The following NRG1 variants were observed in gnomAD, a reference collection of about 807,000 sequenced individuals.
NRG1 encodes pro-neuregulin-1, membrane-bound isoform.
A neutral mutation model predicts 63.8 loss-of-function variants in NRG1; 18 were observed. The ratio of observed to expected loss-of-function variants is 0.28; its 90% CI spans 0.19 to 0.42. The LOEUF (loss-of-function observed/expected upper bound fraction) is 0.42. Ranked by LOEUF, NRG1 falls within the 10% of genes least tolerant of loss-of-function variation. The pLI is 1.00. For missense variants in NRG1, 762 were observed against 814.7 expected (o/e 0.94, Z 0.79); for synonymous variants, 302 against 301.3 (o/e 1.00, Z -0.02).
chr8:32,398,999 A>G (rs1244533668), intron 1 of NRG1, among the ~76,000 whole-genome samples: 1 of 152,166 alleles, frequency 6.6e-6, no homozygotes, highest in Non-Finnish European at 1.5e-5. Context: ...AAATAACCTC[A>G]TTTATTTTGT....
rs544322920 is a variant in NRG1, at chr8:31,733,189, C to T, written c.37+93758C>T. On this transcript the variant is annotated intron_variant, in intron 1 of 10. Transcript: ENST00000519301. ...GGCTGAATAGCATTCCATTGTGTAC[C>T]TATTACATTTTTTTTTCCCAGTCAT... 2.7e-5 allele frequency among the ~76,000 whole-genome samples: 4 copies of T among 147,008 alleles called. No individual in the cohort carries two copies. The South Asian group carries it at 6.3e-4, about 23-fold the overall frequency.
chr8:32,173,502 A>C (rs978718820), intron 1 of NRG1, among the ~76,000 whole-genome samples: 1 of 152,102 alleles, frequency 6.6e-6, no homozygotes, highest in African/African-American at 2.4e-5. Context: ...ATTAACCTTA[A>C]ATGTAAATGG....
intron 1 of NRG1, among the ~76,000 whole-genome samples, chr8:32,205,537 G>A (rs1843959158): frequency 6.6e-6 from 1 of 152,146 alleles, no homozygotes; most frequent in African/African-American, 2.4e-5. Context: ...TTGGCCAAAA[G>A]TAAGCACGAC....
At position 31,640,583 on chromosome 8, in the gene NRG1, A is replaced by G. The variant is rs374687968; in HGVS notation, c.37+1152A>G. 3.0e-5 allele frequency: 48 copies of G among 1,611,910 alleles called. No homozygotes were observed. The highest frequency in any genetic ancestry group is 2.2e-5 in the East Asian group (1 of 44,808). The stretch of plus-strand genomic sequence containing the variant: ...GCCTTCCCCTCCTGCGGGAGGCTCA[A>G]GGAGGACAGCAGGTACATCTTCTTC... On this transcript the variant is annotated intron_variant, in intron 1 of 10. Transcript: ENST00000519301. The surrounding 1 kb of genome is among the most constrained non-coding windows in gnomAD (Gnocchi z 6.3).
At chr8:32,670,593 A>G (rs538688688) in intron 5 of NRG1, among the ~76,000 whole-genome samples, 4 of 152,320 alleles carry the variant, frequency 2.6e-5, no homozygotes, top group African/African-American at 9.6e-5. Context: ...AGAAGACGTC[A>G]ATGTTATATA....
chr8:32,270,629 C>T (rs555114684), intron 1 of NRG1, among the ~76,000 whole-genome samples: 8 of 152,270 alleles, frequency 5.3e-5, no homozygotes, highest in Admixed American at 5.2e-4. Context: ...CCTTTAAATA[C>T]CCCTTACTGT....
chr8:32,513,770 C>T (rs1327669096), intron 1 of NRG1, among the ~76,000 whole-genome samples: 2 of 152,042 alleles, frequency 1.3e-5, no homozygotes, highest in Non-Finnish European at 2.9e-5. Context: ...AATAATCTGG[C>T]TGATCTTTGA....
At chr8:32,632,831 T>C (rs1030524679) in intron 5 of NRG1, among the ~76,000 whole-genome samples, 3 of 152,228 alleles carry the variant, frequency 2.0e-5, no homozygotes, top group African/African-American at 7.2e-5. Flanking sequence ...GTAAGTTTAA[T>C]TCTAAAACTC....
rs191960187 is a variant in NRG1, at chr8:31,849,771, T to A, written c.37+210340T>A. On this transcript the variant is annotated intron_variant, in intron 1 of 10. Coordinates refer to the NRG1 transcript ENST00000519301. Reference sequence around the variant, plus strand: ...TGAAGAATGCCAATTCTTTGTTTAGTAGCAGTTTGCTGGGTCTCCCTGAAA... The same window carrying A: ...TGAAGAATGCCAATTCTTTGTTTAGAAGCAGTTTGCTGGGTCTCCCTGAAA... Among the ~76,000 whole-genome samples, 49 of 152,304 alleles carry A rather than the reference T, an allele frequency of 3.2e-4. No homozygotes were observed. The South Asian group carries it at 6.0e-3, about 19-fold the overall frequency.
intron 1 of NRG1, among the ~76,000 whole-genome samples, chr8:32,121,149 C>T (rs1833395277): frequency 6.6e-6 from 1 of 151,992 alleles, no homozygotes; most frequent in African/African-American, 2.4e-5. Context: ...ATTGCATAGT[C>T]TTTTCAGTAG....
At chr8:32,762,251 A>G (rs572945662) in intron 11 of NRG1, among the ~76,000 whole-genome samples, 4 of 152,218 alleles carry the variant, frequency 2.6e-5, no homozygotes, top group East Asian at 3.9e-4. Context: ...AAGGAAGTCT[A>G]TCCATTCTGT....
chr8:31,826,258 GT>G (rs1224558840), intron 1 of NRG1, among the ~76,000 whole-genome samples: 5 of 152,128 alleles, frequency 3.3e-5, no homozygotes, highest in African/African-American at 1.2e-4. Context: ...TTCTGATATG[GT>G]TTGGCTGTGT....
intron 1 of NRG1, among the ~76,000 whole-genome samples, chr8:32,282,802 GA>G (rs1853034588): frequency 6.6e-6 from 1 of 152,014 alleles, no homozygotes; most frequent in African/African-American, 2.4e-5. Flanking sequence ...ACTTATTTAA[GA>G]ACTTTAATTC....
intron 1 of NRG1, among the ~76,000 whole-genome samples, chr8:32,017,279 G>A (rs1454499289): frequency 6.6e-6 from 1 of 152,186 alleles, no homozygotes; most frequent in Non-Finnish European, 1.5e-5. Flanking sequence ...TAGACTTGGA[G>A]TGGAAAAACT....
chr8:32,554,929 C>CTCTCTCTT (rs1554580903), intron 1 of NRG1, among the ~76,000 whole-genome samples: 11 of 145,812 alleles, frequency 7.5e-5, no homozygotes, highest in South Asian at 2.2e-4. Context: ...CTCTCTCTCT[C>CTCTCTCTT]TTTTTTTTTT....
At chr8:32,002,249 C>G (rs919694488) in intron 1 of NRG1, among the ~76,000 whole-genome samples, 4 of 152,022 alleles carry the variant, frequency 2.6e-5, no homozygotes, top group Non-Finnish European at 5.9e-5. Flanking sequence ...GTCTCTAACT[C>G]CTGACCTCAA....
chr8:32,145,989 G>T (rs866911113), intron 1 of NRG1, among the ~76,000 whole-genome samples: 1 of 152,148 alleles, frequency 6.6e-6, no homozygotes. Flanking sequence ...ATCTCATGTT[G>T]GTTCTTCCAG....
chr8:32,563,623 G>A (rs1167047748), intron 1 of NRG1, among the ~76,000 whole-genome samples: 1 of 152,186 alleles, frequency 6.6e-6, no homozygotes, highest in East Asian at 1.9e-4. Flanking sequence ...CTGAGCAGCA[G>A]AAAGATATGA....
chr8:32,635,011 A>G (rs1411171190), intron 5 of NRG1, among the ~76,000 whole-genome samples: 2 of 152,192 alleles, frequency 1.3e-5, no homozygotes, highest in African/African-American at 4.8e-5. Context: ...ATAAGAACTG[A>G]TGTATATATA....
Sources: allele counts gnomAD v4.1 joint callset (sites outside exome capture counted in the v4.1 genomes callset), GRCh38; gene constraint gnomAD v4.1.1; non-coding constraint Gnocchi (gnomAD v3.1); transcripts MANE v1.5; gene names NCBI Gene and HGNC (gene_info 2026-07-23, HGNC 2026-07-21).